Variants in PUDP observed in about 807,000 individuals in gnomAD.
The protein encoded by PUDP is pseudouridine 5'-phosphatase, also known as pseudouridine-5'-phosphatase.
Under a neutral mutation model 9.4 loss-of-function variants are expected in PUDP, and 8 were observed. That is an observed-to-expected ratio of 0.85 (90% CI 0.50 to 1.53). The LOEUF (loss-of-function observed/expected upper bound fraction) is 1.53. Ranked by LOEUF, PUDP falls within the 40% of genes most tolerant of loss-of-function variation. The pLI is 0.00. For missense variants in PUDP, 188 were observed against 189.7 expected, an observed-to-expected ratio of 0.99 and a Z score of 0.05; for synonymous variants, 99 against 80.7, an observed-to-expected ratio of 1.23 and a Z score of -1.22.
intron 3 of PUDP, among the ~76,000 whole-genome samples, chrX:6,763,480 C>T (rs1925251622): frequency 8.9e-6 from 1 of 111,897 alleles, no homozygotes; most frequent in Non-Finnish European, 1.9e-5. Flanking sequence ...ATATTATTGA[C>T]TATTGCTGCT....
At position 6,729,099 on chromosome X, in the gene PUDP, C is replaced by A. The variant is rs547830391; in HGVS notation, c.*248-22633G>T. Among the ~76,000 whole-genome samples the A allele has an allele frequency of 1.5e-4, 17 of 111,849 alleles. No individual in the cohort carries two copies. The South Asian group carries it at 6.4e-3, about 42-fold the overall frequency. On this transcript the variant is annotated intron_variant and NMD_transcript_variant, in intron 3 of 3. Coordinates refer to the PUDP transcript ENST00000655425. ...ATCACATTAAGGGTACAACTCTCAA[C>A]ACGACTTATGTGAAGGAAAATATCT...
chrX:7,081,513 G>A (rs1381867839), intron 2 of PUDP, among the ~76,000 whole-genome samples: 3 of 112,371 alleles, frequency 2.7e-5, no homozygotes, highest in Non-Finnish European at 5.6e-5. Flanking sequence ...TTTCTAAGGT[G>A]GAGTAGATAA....
intron 2 of PUDP, among the ~76,000 whole-genome samples, chrX:7,094,815 G>A (rs1412552899): frequency 1.8e-5 from 2 of 112,178 alleles, no homozygotes; most frequent in Non-Finnish European, 3.8e-5. Context: ...AGCGTAAGTT[G>A]AATGTGTTAC....
At chrX:6,991,869 AAG>A (rs1332729409) in intron 1 of PUDP, among the ~76,000 whole-genome samples, 1 of 111,082 alleles carries the variant, frequency 9.0e-6, no homozygotes, top group Non-Finnish European at 1.9e-5. Flanking sequence ...CAGGAAAAAA[AAG>A]AAAATTTAAA....
intron 3 of PUDP, among the ~76,000 whole-genome samples, chrX:6,799,854 A>G (rs1255250145): frequency 8.9e-6 from 1 of 111,927 alleles, no homozygotes; most frequent in African/African-American, 3.3e-5. Flanking sequence ...ATAATAAAAA[A>G]AAAATAACAT....
chrX:7,045,027 C>T (rs1392867223), downstream of PUDP, among the ~76,000 whole-genome samples: 1 of 111,833 alleles, frequency 8.9e-6, no homozygotes, highest in African/African-American at 3.2e-5. Flanking sequence ...GCTCTGTGTC[C>T]CCCCCCAAAT....
chrX:6,969,969 C>T lies in PUDP; in HGVS notation c.*247+7164G>A, dbSNP rs1928847034. Among the ~76,000 whole-genome samples the T allele has an allele frequency of 4.5e-5, 5 of 112,111 alleles. No homozygotes were observed. The Admixed American group carries it at 4.7e-4, about 11-fold the overall frequency. ...TGTTGTGTAACATTCTAGAATATGA[C>T]ATACATACAAAAGGGTGTTTTAAAT... On this transcript the variant is annotated intron_variant and NMD_transcript_variant, in intron 3 of 3. Transcript: ENST00000655425.
intron 3 of PUDP, among the ~76,000 whole-genome samples, chrX:7,053,296 T>C (rs1455062314): frequency 9.0e-6 from 1 of 111,427 alleles, no homozygotes; most frequent in African/African-American, 3.3e-5. Context: ...AGTAGCTGAC[T>C]GTGGCTGTTC....
At chrX:6,835,255 C>T (rs1378727042) in intron 3 of PUDP, among the ~76,000 whole-genome samples, 1 of 110,711 alleles carries the variant, frequency 9.0e-6, no homozygotes, top group Non-Finnish European at 1.9e-5. Context: ...TACCAGGAGC[C>T]GATTTCTGAT....
intron 2 of PUDP, among the ~76,000 whole-genome samples, chrX:7,079,840 A>G (rs892891906): frequency 8.9e-6 from 1 of 112,459 alleles, no homozygotes; most frequent in Non-Finnish European, 1.9e-5. Context: ...ATGTTAAATA[A>G]TAAGGTCTCA....
intron 2 of PUDP, among the ~76,000 whole-genome samples, chrX:7,083,992 A>T (rs762590906): frequency 2.9e-4 from 33 of 112,251 alleles, no homozygotes; most frequent in Non-Finnish European, 5.6e-5. Context: ...AAACTGCCTG[A>T]TTGATATTGC....
At position 7,014,267 on chromosome X, in the gene PUDP, C is replaced by T. The variant is rs145864221; in HGVS notation, c.205-35924G>A. ...TAGGGGGACATGGCAGGCAAAAAGG[C>T]AACTTTTCCCACTTAGGGCCGCGGG... is the stretch of plus-strand genomic sequence containing the variant. On this transcript the variant is annotated intron_variant and NMD_transcript_variant, in intron 1 of 3. Coordinates refer to the PUDP transcript ENST00000655425. Among the ~76,000 whole-genome samples, 127 of 110,193 alleles carry T rather than the reference C, an allele frequency of 1.2e-3. 4 individuals are homozygous for T. In the East Asian group the frequency reaches 0.034, roughly 29 times the overall value.
chrX:6,832,002 G>C (rs1241397650), intron 3 of PUDP, among the ~76,000 whole-genome samples: 1 of 111,617 alleles, frequency 9.0e-6, no homozygotes, highest in Non-Finnish European at 1.9e-5. Context: ...CACCTAAACA[G>C]ACAAAGACTC....
At chrX:7,014,068 T>C (rs1005318539) in intron 1 of PUDP, among the ~76,000 whole-genome samples, 2 of 110,115 alleles carry the variant, frequency 1.8e-5, no homozygotes, top group Non-Finnish European at 3.8e-5. Context: ...CCCCTGGAGT[T>C]TGGTCATCCA....
Position 6,852,079 on chromosome X carries a change from G to A in PUDP, c.*247+125054C>T, listed in dbSNP as rs779646130. ...TGACAGCTGAGGAATTCATGCAGAA[G>A]AAAGTAACAACCTGTACAGATGCAT... On this transcript the variant is annotated intron_variant and NMD_transcript_variant, in intron 3 of 3. Transcript: ENST00000655425. 3.6e-5 allele frequency among the ~76,000 whole-genome samples: 4 copies of A among 112,266 alleles called. No individual in the cohort carries two copies. The South Asian group carries it at 1.5e-3, about 41-fold the overall frequency.
chrX:6,882,691 C>A (rs1927366506), intron 3 of PUDP, among the ~76,000 whole-genome samples: 1 of 111,109 alleles, frequency 9.0e-6, no homozygotes, highest in African/African-American at 3.3e-5. Context: ...ACGACTATAT[C>A]AGGGATCCCT....
rs147783713 is a variant in PUDP at position 6,777,950 on chromosome X, G to A, written c.*248-71484C>T. On this transcript the variant is annotated intron_variant and NMD_transcript_variant, in intron 3 of 3. Coordinates refer to the PUDP transcript ENST00000655425. ...TGTAGACTTTGAGAGGTGCAAATGA[G>A]CAATAGTCTACTATAGTGCTGCTTT... Among the ~76,000 whole-genome samples, 59 of 112,175 alleles carry A rather than the reference G, an allele frequency of 5.3e-4. 2 individuals carry two copies. The East Asian group carries it at 0.017, about 31-fold the overall frequency.
At chrX:6,828,871 A>T (rs1321798808) in intron 3 of PUDP, among the ~76,000 whole-genome samples, 1 of 106,178 alleles carries the variant, frequency 9.4e-6, no homozygotes, top group Non-Finnish European at 2.0e-5. Context: ...TTGATAGCTT[A>T]TTTTTTTTTT....
intron 3 of PUDP, among the ~76,000 whole-genome samples, chrX:6,741,220 T>C (rs761838503): frequency 9.0e-6 from 1 of 111,050 alleles, no homozygotes; most frequent in Non-Finnish European, 1.9e-5. Context: ...GTCTTAGTTT[T>C]CCTCTGCAGC....
Sources: gnomAD v4.1 joint callset for allele counts (sites outside exome capture counted in the v4.1 genomes callset) on GRCh38, gnomAD v4.1.1 for gene constraint, MANE v1.5 for transcripts, NCBI Gene and HGNC (gene_info 2026-07-23, HGNC 2026-07-21) for gene names.